The following PEX1 variants were observed in gnomAD, a reference collection of about 807,000 sequenced individuals.
PEX1 encodes peroxisomal ATPase PEX1.
In PEX1, 97 loss-of-function variants were observed where a neutral mutation model predicts 152.5. The ratio of observed to expected loss-of-function variants is 0.64; its 90% CI spans 0.54 to 0.75. The LOEUF (loss-of-function observed/expected upper bound fraction) is 0.75. PEX1 is among the 30% of genes least tolerant of loss of function. The pLI is 0.00. For missense variants in PEX1, 1,357 were observed against 1,516.3 expected (o/e 0.89, Z 1.74); for synonymous variants, 485 against 531.6 (o/e 0.91, Z 1.21).
At chr7:92,494,214 A>G in intron 19 of PEX1, 79 bp downstream of exon 19, 1 of 1,055,454 alleles carries the variant, frequency 9.5e-7, no homozygotes. Flanking sequence ...GACAATTGCC[A>G]TTACCTGGCA....
At position 92,523,880 on chromosome 7, in the gene PEX1, T is replaced by C. The variant is rs187107366; in HGVS notation, c.130-1635A>G. On this transcript the variant is annotated intron_variant, in intron 1 of 23. Coordinates refer to ENST00000248633, the MANE Select transcript of PEX1 (RefSeq NM_000466.3). ...AGGAAGCTTCAGTGTTATTAATTTA[T>C]TTATATCAAAATAAATTCATTAAGT... 1.4e-3 allele frequency among the ~76,000 whole-genome samples: 216 copies of C among 152,166 alleles called. 2 individuals carry two copies. The highest frequency in any genetic ancestry group is 4.8e-3 in the African/African-American group (200 of 41,510).
chr7:92,492,987 G>C lies in PEX1; in HGVS notation c.3173C>G (p.Ala1058Gly). The change falls in exon 20 of 24, where the codon GCC becomes GGC. Residue 1058 changes from alanine (A) to glycine (G), a missense_variant. Ala to Gly is a moderately conservative substitution (Grantham distance 60). Transcript: ENST00000248633. ...ACTCGAGAGCAGCATTCCATGTAAGGCCTCCAATTGGGCATTGTAAAGTAA... is the reference window on the plus strand; with the variant it reads ...ACTCGAGAGCAGCATTCCATGTAAGCCCTCCAATTGGGCATTGTAAAGTAA... Reference protein sequence around the residue: ...KALLYNAQLEALHGMLLSSGL... With the variant: ...KALLYNAQLEGLHGMLLSSGL... 6.2e-7 allele frequency: 1 copy of C among 1,613,760 alleles called. No homozygotes were observed. The highest frequency in any genetic ancestry group is 1.3e-5 in the African/African-American group (1 of 74,992).
chr7:92,526,001 T>C (rs948995879), intron 1 of PEX1, among the ~76,000 whole-genome samples: 1 of 152,006 alleles, frequency 6.6e-6, no homozygotes, highest in Non-Finnish European at 1.5e-5. Context: ...GGGAAGGAGA[T>C]TGGTTATAGA....
rs143220470 is a variant in PEX1 at position 92,491,284 on chromosome 7, G to A, written c.3426C>T (p.Thr1142=). ...SSYESELGNG[T]SSDLSSQCLS... The stretch of plus-strand genomic sequence containing the variant: ...CTGCACAAGATACCAAATCAGAAGA[G>A]GTTCCATTTCCAAGTTCTGATTCAT... Residue 1142 remains threonine, a synonymous_variant, in exon 21 of 24, where the codon ACC becomes ACT. Transcript: ENST00000248633. 388 of 1,600,220 alleles carry A rather than the reference G, an allele frequency of 2.4e-4. 2 individuals are homozygous for A. The African/African-American group carries it at 4.4e-3, about 18-fold the overall frequency.
At position 92,495,314 on chromosome 7, in the gene PEX1, G is replaced by A. The variant is rs79249245; in HGVS notation, c.2784-685C>T. On this transcript the variant is annotated intron_variant, in intron 17 of 23. Transcript: ENST00000248633. ...ACACCTAATATAAAACACCTGTCAC[G>A]GTGATTGAAAAAAATCAACAGCTAT... 4.9e-4 allele frequency among the ~76,000 whole-genome samples: 74 copies of A among 152,032 alleles called. No individual in the cohort carries two copies. The East Asian group carries it at 0.013, about 27-fold the overall frequency.
chr7:92,511,227 T>C (rs1038913801), intron 7 of PEX1, among the ~76,000 whole-genome samples, 180 bp from the exon 8 acceptor site: 3 of 151,918 alleles, frequency 2.0e-5, no homozygotes, highest in African/African-American at 7.3e-5. Flanking sequence ...TGGGCTCAAG[T>C]GATCCTTCTG....
chr7:92,517,928 T>C lies in PEX1; in HGVS notation c.587A>G (p.Tyr196Cys). ...TCTTCCATAACTATGAAGTTTTTTA[T>C]ATTCAGCATCAGCTTTTGAAAATGT... ...ENTFSKADAE[Y>C]KKLHSYGRDQ... is the part of the protein sequence containing the mutation. The change falls in exon 5 of 24, where the codon TAT (tyrosine) becomes TGT (cysteine). Residue 196 changes from tyrosine (Y) to cysteine (C), a missense_variant. Transcript: ENST00000248633. The C allele has an allele frequency of 2.5e-6, 4 of 1,584,044 alleles. No homozygotes were observed. In the South Asian group the frequency reaches 3.5e-5, roughly 14 times the overall value.
intron 13 of PEX1, among the ~76,000 whole-genome samples, chr7:92,502,385 A>G (rs1004223505): frequency 2.0e-5 from 3 of 152,206 alleles, no homozygotes; most frequent in Admixed American, 2.0e-4. Context: ...TTGTGAAAAA[A>G]TCACATTAAT....
At chr7:92,494,149 A>G in intron 19 of PEX1, 144 bp downstream of exon 19, 1 of 705,696 alleles carries the variant, frequency 1.4e-6, no homozygotes. Context: ...GAATCTTTTT[A>G]TGCTTTGAGC....
Position 92,517,265 on chromosome 7 carries a change from T to A in PEX1, c.1239+11A>T. ...ATAAAATTTCTCCCAAGTTATAAAA[T>A]TTATACTAACCCAGACTTTCCCAAG... On this transcript the variant is annotated intron_variant, in intron 5 of 23. Transcript: ENST00000248633. The A allele has an allele frequency of 6.2e-7, 1 of 1,607,254 alleles. No individual in the cohort carries two copies. The highest frequency in any genetic ancestry group is 8.5e-7 in the Non-Finnish European group (1 of 1,174,048).
At chr7:92,513,773 T>G (rs766203814) in intron 6 of PEX1, 75 bp downstream of exon 6, 13 of 1,072,884 alleles carry the variant, frequency 1.2e-5, no homozygotes, top group Admixed American at 5.3e-5. Flanking sequence ...ACATTCTTAT[T>G]ACTTAGCTAA....
rs374327161 is a variant in PEX1, at chr7:92,508,537, CA to C, written c.1670+791del. 3.4e-3 allele frequency among the ~76,000 whole-genome samples: 403 copies of C among 119,004 alleles called. 1 individual carries two copies. Among genetic ancestry groups the C allele is most frequent in the African/African-American group, 7.3e-3 (236 of 32,124 alleles). 78.1% of individuals were successfully genotyped at this position (119,004 alleles called of 152,430 possible). ...TGAGTGACAAAGTGAGAGTCCATCT[CA>C]AAAAAAAAAAAAGAGATTTTATTTT... On this transcript the variant is annotated intron_variant, in intron 9 of 23. Transcript: ENST00000248633.
At chr7:92,492,913 C>T (rs755141071) in intron 20 of PEX1, 40 bp downstream of exon 20, 2 of 1,476,656 alleles carry the variant, frequency 1.4e-6, no homozygotes, top group South Asian at 2.3e-5. Context: ...CTTCTTTTAT[C>T]ACTCATAAAA....
rs759281351 is a variant in PEX1, at chr7:92,499,767, T to C, written c.2655A>G (p.Thr885=). 4.3e-6 allele frequency: 7 copies of C among 1,613,324 alleles called. No homozygotes were observed. The highest frequency in any genetic ancestry group is 1.6e-4 in the Middle Eastern group (1 of 6,082). Residue 885 remains threonine (T), a synonymous_variant, in exon 16 of 24, where the codon ACA becomes ACG. Transcript: ENST00000248633. The part of the protein sequence containing the change: ...TGILLYGPPG[T]GKTLLAGVIA... ...TTACCCCAGCTAGTAAGGTTTTTCC[T>C]GTTCCAGGCGGACCATACAACAGTA... is the stretch of plus-strand genomic sequence containing the variant.
chr7:92,507,115 G>A lies in PEX1; in HGVS notation c.1682C>T (p.Ser561Phe). 1 of 1,613,454 alleles carries A rather than the reference G, an allele frequency of 6.2e-7. No individual in the cohort carries two copies. The highest frequency in any genetic ancestry group is 1.1e-5 in the South Asian group (1 of 91,060). Residue 561 changes from serine (S) to phenylalanine (F), a missense_variant, in exon 10 of 24, where the codon TCC becomes TTC. By Grantham distance (155) the Ser-to-Phe change is radical. Transcript: ENST00000248633. ...LKLSSLGGVN[S>F]LGVSSLEHIT... ...GTGCTCCAAGGAGGATACGCCTAAG[G>A]AATTCACTCCTCTGTAAAAAATATA...
chr7:92,489,010 A>C (rs1298532696), intron 23 of PEX1, among the ~76,000 whole-genome samples: 1 of 152,260 alleles, frequency 6.6e-6, no homozygotes, highest in Non-Finnish European at 1.5e-5. Context: ...CTGGGATTAC[A>C]GGCATGAGCC....
Position 92,506,304 on chromosome 7 carries a change from T to C in PEX1, c.1844A>G (p.Glu615Gly). Reference sequence around the variant, plus strand: ...ATGGGCATCCAGTTTGTCAAATGCTTCTTTACAGATTGCTTTGGCTAAAGT... The same window carrying C: ...ATGGGCATCCAGTTTGTCAAATGCTCCTTTACAGATTGCTTTGGCTAAAGT... Reference protein sequence around the residue: ...KSTLAKAICKEAFDKLDAHVE... With the variant: ...KSTLAKAICKGAFDKLDAHVE... The change falls in exon 11 of 24, where the codon GAA becomes GGA. Residue 615 changes from glutamate to glycine, a missense_variant. Physicochemically the swap from Glu to Gly is moderately conservative, Grantham distance 98 (BLOSUM62 -2). Transcript: ENST00000248633. The C allele has an allele frequency of 1.9e-6, 3 of 1,612,296 alleles. No individual in the cohort carries two copies. Among genetic ancestry groups the C allele is most frequent in the Non-Finnish European group, 2.5e-6 (3 of 1,178,446 alleles).
At chr7:92,492,163 T>G (rs1033337929) in intron 20 of PEX1, among the ~76,000 whole-genome samples, 1 of 152,164 alleles carries the variant, frequency 6.6e-6, no homozygotes, top group Non-Finnish European at 1.5e-5. Flanking sequence ...TTTTCTTTTT[T>G]GGGGGCAGGG....
intron 17 of PEX1, among the ~76,000 whole-genome samples, chr7:92,495,751 T>C (rs1791624149): frequency 6.6e-6 from 1 of 152,120 alleles, no homozygotes; most frequent in African/African-American, 2.4e-5. Context: ...AAAAAATAAA[T>C]CTTGGCTTTG....
Sources: allele counts gnomAD v4.1 joint callset (sites outside exome capture counted in the v4.1 genomes callset), GRCh38; gene constraint gnomAD v4.1.1; transcripts MANE v1.5; gene names NCBI Gene and HGNC (gene_info 2026-07-23, HGNC 2026-07-21).